Variants in PEAK1 observed in about 807,000 individuals in gnomAD.
PEAK1 encodes the protein pseudopodium enriched atypical kinase 1.
PEAK1 carries 54 observed loss-of-function variants against 124.7 expected under a neutral mutation model. That is an observed-to-expected ratio of 0.43 (90% CI 0.35 to 0.54). The LOEUF is 0.54. Among genes scored for constraint, PEAK1 ranks in the 20% least tolerant of loss-of-function variants. The pLI, the probability that PEAK1 is intolerant of heterozygous loss-of-function variation, is 0.01. For missense variants in PEAK1, 2,046 were observed against 2,134.5 expected, an observed-to-expected ratio of 0.96 and a Z score of 0.82; for synonymous variants, 719 against 760.0, an observed-to-expected ratio of 0.95 and a Z score of 0.89.
chr15:77,263,123 T>C (rs2061529172), intron 5 of PEAK1, among the ~76,000 whole-genome samples: 1 of 152,220 alleles, frequency 6.6e-6, no homozygotes, highest in Non-Finnish European at 1.5e-5. Context: ...GGGAAATTTA[T>C]AGCACTAAAT....
intron 2 of PEAK1, among the ~76,000 whole-genome samples, chr15:77,314,004 C>CTTATATACCCT (rs2064707089): frequency 6.6e-6 from 1 of 152,010 alleles, no homozygotes; most frequent in Non-Finnish European, 1.5e-5. Context: ...ATAAGTCATG[C>CTTATATACCCT]TGACAGTATA....
chr15:77,208,112 C>T (rs568689353), intron 6 of PEAK1, among the ~76,000 whole-genome samples: 70 of 152,274 alleles, frequency 4.6e-4, no homozygotes, highest in African/African-American at 1.6e-3. Flanking sequence ...AAATCTGTTG[C>T]TTTTATCTTT....
At chr15:77,202,641 G>C (rs953386001) in intron 6 of PEAK1, among the ~76,000 whole-genome samples, 19 of 151,926 alleles carry the variant, frequency 1.3e-4, no homozygotes, top group African/African-American at 4.6e-4. Flanking sequence ...ATGGTGGTAG[G>C]TGCCTGTAGT....
chr15:77,127,202 T>G (rs1475366422), intron 9 of PEAK1, among the ~76,000 whole-genome samples: 2 of 152,204 alleles, frequency 1.3e-5, no homozygotes, highest in Non-Finnish European at 2.9e-5. Flanking sequence ...AGGCTATCTG[T>G]AAGCCAGGAA....
chr15:77,402,441 T>A, intron 1 of PEAK1: 1 of 985,260 alleles, frequency 1.0e-6, no homozygotes, highest in Non-Finnish European at 1.2e-6. Context: ...GTCTTCAATG[T>A]CACTGCATAT....
At chr15:77,402,630 TG>T in intron 1 of PEAK1, 1 of 985,080 alleles carries the variant, frequency 1.0e-6, no homozygotes, top group Non-Finnish European at 1.2e-6. Flanking sequence ...GGGCATATAA[TG>T]AAAACAGAAA....
chr15:77,300,185 T>A (rs2063714695), intron 2 of PEAK1, among the ~76,000 whole-genome samples: 1 of 152,168 alleles, frequency 6.6e-6, no homozygotes, highest in South Asian at 2.1e-4. Context: ...GGAAGGAAGG[T>A]CAGTAATACG....
At chr15:77,418,289 G>C in intron 1 of PEAK1, 3 of 985,344 alleles carry the variant, frequency 3.0e-6, no homozygotes, top group Non-Finnish European at 2.4e-6. Flanking sequence ...GAGATGGGGG[G>C]TAGTGAGGGA....
intron 2 of PEAK1, among the ~76,000 whole-genome samples, chr15:77,312,272 A>G (rs1313339098): frequency 6.6e-6 from 1 of 152,156 alleles, no homozygotes; most frequent in Non-Finnish European, 1.5e-5. Context: ...TAAGTGACAC[A>G]TATTACTATA....
intron 1 of PEAK1, among the ~76,000 whole-genome samples, chr15:77,383,019 CTTTTT>C (rs752564656): frequency 7.7e-6 from 1 of 130,386 alleles, no homozygotes; most frequent in Non-Finnish European, 1.6e-5. Context: ...TTTGTATCTC[CTTTTT>C]TTTTTTTTTT....
chr15:77,114,828 T>G lies in PEAK1; in HGVS notation c.4569A>C (p.Leu1523=), dbSNP rs768349539. 1 of 1,613,458 alleles carries G rather than the reference T, an allele frequency of 6.2e-7. No homozygotes were observed. Among genetic ancestry groups the G allele is most frequent in the Non-Finnish European group, 8.5e-7 (1 of 1,179,948 alleles). The change falls in exon 10 of 10, where the codon CTA becomes CTC. Residue 1523 remains leucine (L), a synonymous_variant. Transcript: ENST00000682557. ...THCDLRLENL[L]LVHYQPGGTA... The stretch of plus-strand genomic sequence containing the variant: ...TCCCCCCAGGCTGGTAGTGGACAAG[T>G]AGCAGGTTCTCTAGGCGTAGATCGC...
At chr15:77,352,689 T>C (rs2067280211) in intron 2 of PEAK1, 1 of 951,800 alleles carries the variant, frequency 1.1e-6, no homozygotes. Flanking sequence ...AACCTGAAAT[T>C]TTTAAAAATT....
chr15:77,207,754 TA>T (rs1294325295), intron 6 of PEAK1, among the ~76,000 whole-genome samples: 1 of 152,154 alleles, frequency 6.6e-6, no homozygotes, highest in Non-Finnish European at 1.5e-5. Flanking sequence ...TAATGGTGGA[TA>T]CATTACACAG....
chr15:77,324,709 G>A (rs1200633487), intron 2 of PEAK1, among the ~76,000 whole-genome samples: 2 of 152,132 alleles, frequency 1.3e-5, no homozygotes, highest in Admixed American at 6.5e-5. Context: ...GCAAAAGCAG[G>A]AGCAAGAACG....
chr15:77,105,345 T>TGTGC (rs2050738427), downstream of PEAK1: 1 of 141,048 alleles, frequency 7.1e-6, no homozygotes, highest in African/African-American at 2.9e-5. Context: ...TGTGTGTGTG[T>TGTGC]GTGTGTGTGT....
chr15:77,273,612 T>A (rs1188025839), intron 5 of PEAK1, among the ~76,000 whole-genome samples: 1 of 152,078 alleles, frequency 6.6e-6, no homozygotes, highest in Admixed American at 6.6e-5. Context: ...TACAAAACAC[T>A]GCTGAAAGAA....
chr15:77,116,742 A>G (rs932575579), intron 9 of PEAK1, among the ~76,000 whole-genome samples: 3 of 151,484 alleles, frequency 2.0e-5, no homozygotes, highest in African/African-American at 4.9e-5. Context: ...CTATCTATCT[A>G]TCTATCTATC....
chr15:77,257,148 C>T (rs1376391994), intron 5 of PEAK1, among the ~76,000 whole-genome samples: 1 of 152,068 alleles, frequency 6.6e-6, no homozygotes, highest in Non-Finnish European at 1.5e-5. Context: ...TGGGTTGGTT[C>T]CAAGTCTTTA....
chr15:77,217,595 G>A (rs2059206438), intron 6 of PEAK1, among the ~76,000 whole-genome samples: 1 of 152,042 alleles, frequency 6.6e-6, no homozygotes, highest in South Asian at 2.1e-4. Flanking sequence ...GTTCTGGTTT[G>A]GTTCCTTCCG....
Sources: allele counts gnomAD v4.1 joint callset (sites outside exome capture counted in the v4.1 genomes callset), GRCh38; gene constraint gnomAD v4.1.1; transcripts MANE v1.5; gene names NCBI Gene and HGNC (gene_info 2026-07-23, HGNC 2026-07-21).